The following RORA variants were observed in gnomAD, a reference collection of about 807,000 sequenced individuals.
The protein encoded by RORA is nuclear receptor ROR-alpha.
In RORA, 7 loss-of-function variants were observed where a neutral mutation model predicts 69.5. That is an observed-to-expected ratio of 0.10 (90% confidence interval 0.06 to 0.19). The LOEUF (loss-of-function observed/expected upper bound fraction) is 0.19. Among genes scored for constraint, RORA ranks in the 10% least tolerant of loss-of-function variants. The probability of loss-of-function intolerance (pLI) is 1.00; values close to 1 mark genes in which losing one functional copy is unlikely to be tolerated. For synonymous variants in RORA, 261 were observed against 240.8 expected (o/e 1.08, Z -0.78); for missense variants, 457 against 663.0 (o/e 0.69, Z 3.41).
At chr15:60,706,168 T>TC (rs2071060237) in intron 1 of RORA, 1 of 152,240 alleles carries the variant, frequency 6.6e-6, no homozygotes, top group African/African-American at 2.4e-5. Flanking sequence ...CTTTGCCTTT[T>TC]CCACCAGCTG....
intron 1 of RORA, among the ~76,000 whole-genome samples, chr15:61,200,150 C>T (rs1265666059): frequency 6.6e-6 from 1 of 152,174 alleles, no homozygotes; most frequent in East Asian, 1.9e-4. Context: ...GTGGTAAGGA[C>T]TGGGGTCTAT....
At position 60,868,461 on chromosome 15, in the gene RORA, T is replaced by C. The variant is rs116055795; in HGVS notation, c.167-189775A>G. ...ATGAGGACTTGTGCATTGAAAGCTGTTTTATTAGCTTAAGTACACTTCCAA... is the reference window on the plus strand; with the variant it reads ...ATGAGGACTTGTGCATTGAAAGCTGCTTTATTAGCTTAAGTACACTTCCAA... On this transcript the variant is annotated intron_variant, in intron 1 of 10. Coordinates refer to ENST00000335670, the MANE Select transcript of RORA (RefSeq NM_134261.3). 4.1e-3 allele frequency among the ~76,000 whole-genome samples: 630 copies of C among 152,220 alleles called. 5 individuals carry two copies. Among genetic ancestry groups the C allele is most frequent in the African/African-American group, 0.015 (610 of 41,528 alleles).
chr15:60,613,481 T>C (rs2069146289), intron 2 of RORA, among the ~76,000 whole-genome samples: 1 of 152,116 alleles, frequency 6.6e-6, no homozygotes, highest in Non-Finnish European at 1.5e-5. Context: ...ACTTCATCCT[T>C]GGGAGCCTTG....
rs999637958 is a variant in RORA, at chr15:60,661,750, G to A, written c.196+16907C>T. Reference sequence around the variant, plus strand: ...ATAAACCCTGACTCCATCAGAACCCGAGAGGTTCAGATATTTTTCTGAAAC... The same window carrying A: ...ATAAACCCTGACTCCATCAGAACCCAAGAGGTTCAGATATTTTTCTGAAAC... On this transcript the variant is annotated intron_variant, in intron 2 of 10. Coordinates refer to ENST00000335670, the MANE Select transcript of RORA (RefSeq NM_134261.3). Among the ~76,000 whole-genome samples the A allele has an allele frequency of 5.9e-5, 9 of 152,118 alleles. No individual in the cohort carries two copies. In the East Asian group the frequency reaches 7.7e-4, roughly 13 times the overall value.
At chr15:61,194,416 CG>C (rs1181037483) in intron 1 of RORA, among the ~76,000 whole-genome samples, 5 of 151,628 alleles carry the variant, frequency 3.3e-5, no homozygotes, top group African/African-American at 1.2e-4. Flanking sequence ...AAAAATTAGC[CG>C]GGCGTAGTGG....
At chr15:60,516,812 T>G (rs2065975622) in intron 3 of RORA, among the ~76,000 whole-genome samples, 1 of 152,126 alleles carries the variant, frequency 6.6e-6, no homozygotes, top group African/African-American at 2.4e-5. Flanking sequence ...TGTAGAAAGA[T>G]CCTAACTGTC....
chr15:60,980,406 G>GA (rs1894010972), intron 1 of RORA, among the ~76,000 whole-genome samples: 2 of 152,162 alleles, frequency 1.3e-5, no homozygotes, highest in African/African-American at 4.8e-5. Flanking sequence ...GAATGAGTTA[G>GA]AAAGTGTTCC....
At chr15:60,875,602 G>A (rs1189310944) in intron 1 of RORA, among the ~76,000 whole-genome samples, 2 of 152,142 alleles carry the variant, frequency 1.3e-5, no homozygotes, top group Non-Finnish European at 2.9e-5. Context: ...TCTAGAGCTG[G>A]GCTGTGCTGT....
At chr15:61,087,047 TGTA>T (rs2078636001) in intron 1 of RORA, among the ~76,000 whole-genome samples, 1 of 152,182 alleles carries the variant, frequency 6.6e-6, no homozygotes, top group South Asian at 2.1e-4. Flanking sequence ...CAGTGTGGCC[TGTA>T]GTCCTAGCTA....
intron 1 of RORA, among the ~76,000 whole-genome samples, chr15:60,819,756 C>CAA (rs2072864690): frequency 1.7e-5 from 1 of 59,058 alleles, no homozygotes; most frequent in Non-Finnish European, 5.6e-5. Flanking sequence ...GACACACACA[C>CAA]ACACACACAC....
chr15:60,813,491 G>T (rs530241294), intron 1 of RORA, among the ~76,000 whole-genome samples: 6 of 152,298 alleles, frequency 3.9e-5, no homozygotes, highest in African/African-American at 1.4e-4. Context: ...CAGGTAATGT[G>T]TTAGGAGCTC....
chr15:61,146,480 A>G (rs2079350700), intron 1 of RORA, among the ~76,000 whole-genome samples: 2 of 148,526 alleles, frequency 1.3e-5, no homozygotes, highest in South Asian at 4.2e-4. Context: ...ACACACACAC[A>G]CACGCACACA....
chr15:60,844,155 G>A (rs555215558), intron 1 of RORA, among the ~76,000 whole-genome samples: 2 of 152,238 alleles, frequency 1.3e-5, no homozygotes, highest in African/African-American at 2.4e-5. Flanking sequence ...AGAGAACTCT[G>A]TTCCTGGCAC....
At chr15:60,898,779 T>C (rs1001140406) in intron 1 of RORA, among the ~76,000 whole-genome samples, 79 of 152,318 alleles carry the variant, frequency 5.2e-4, no homozygotes, top group African/African-American at 1.7e-3. Context: ...TTTTGGTTTT[T>C]GAGAAACATC....
intron 1 of RORA, among the ~76,000 whole-genome samples, chr15:61,172,874 G>A (rs1338890883): frequency 6.6e-6 from 1 of 152,142 alleles, no homozygotes; most frequent in African/African-American, 2.4e-5. Context: ...GCTCTCTGCT[G>A]TAGATGCTGT....
intron 1 of RORA, among the ~76,000 whole-genome samples, chr15:61,155,437 A>G (rs1484290103): frequency 2.0e-5 from 3 of 152,228 alleles, no homozygotes; most frequent in Non-Finnish European, 4.4e-5. Flanking sequence ...CTCAAGAGAA[A>G]GCACCAAAGG....
At chr15:60,707,190 A>G (rs1021418693) in intron 1 of RORA, among the ~76,000 whole-genome samples, 1 of 152,102 alleles carries the variant, frequency 6.6e-6, no homozygotes, top group Non-Finnish European at 1.5e-5. Context: ...CTCAGAATGG[A>G]AAAGCTTCCA....
At chr15:61,099,182 C>T (rs971394647) in intron 1 of RORA, among the ~76,000 whole-genome samples, 10 of 152,156 alleles carry the variant, frequency 6.6e-5, no homozygotes, top group South Asian at 2.1e-4. Context: ...TATCTAATTA[C>T]GGTTTACCCC....
rs78248991 is a variant in RORA at position 60,785,613 on chromosome 15, C to T, written c.167-106927G>A. Among the ~76,000 whole-genome samples the T allele has an allele frequency of 5.6e-3, 849 of 152,320 alleles. 6 individuals carry two copies. Among genetic ancestry groups the T allele is most frequent in the African/African-American group, 0.019 (800 of 41,564 alleles). On this transcript the variant is annotated intron_variant, in intron 1 of 10. Transcript: ENST00000335670. ...CGTCTGTCCCTCCAGCTAGCTACAT[C>T]TCACATCATGCTTCCTCACGTTTCA... is the stretch of plus-strand genomic sequence containing the variant.
Sources: gnomAD v4.1 joint callset for allele counts (sites outside exome capture counted in the v4.1 genomes callset) on GRCh38, gnomAD v4.1.1 for gene constraint, MANE v1.5 for transcripts, NCBI Gene and HGNC (gene_info 2026-07-23, HGNC 2026-07-21) for gene names.